HEATR4: variants seen among roughly 807,000 people sequenced by gnomAD.
HEATR4 encodes the protein HEAT repeat containing 4.
A neutral mutation model predicts 108.8 loss-of-function variants in HEATR4; 95 were observed. The observed-to-expected ratio is 0.87, with a 90% CI of 0.74 to 1.04. HEATR4 has a LOEUF of 1.04. HEATR4 is among the 50% of genes least tolerant of loss of function. The probability of loss-of-function intolerance (pLI) is 0.00; values close to 1 mark genes in which losing one functional copy is unlikely to be tolerated. For synonymous variants in HEATR4, 443 were observed against 459.4 expected (o/e 0.96, Z 0.46); for missense variants, 1,152 against 1,253.8 (o/e 0.92, Z 1.23).
chr14:73,603,391 T>C, the HEATR4 span, among the ~76,000 whole-genome samples: 2 of 152,212 alleles, frequency 1.3e-5, no homozygotes, highest in Non-Finnish European at 2.9e-5. Flanking sequence ...AGTCTTGCTC[T>C]GTCGCCAGGC....
intron 1 of HEATR4, among the ~76,000 whole-genome samples, chr14:73,552,544 C>T (rs1410445838): frequency 2.2e-5 from 2 of 90,406 alleles, no homozygotes; most frequent in Non-Finnish European, 4.3e-5. Context: ...CTACAGCATC[C>T]CCTCCCTAAT....
At chr14:73,490,203 G>A (rs1317610270) in intron 17 of HEATR4, among the ~76,000 whole-genome samples, 1 of 152,190 alleles carries the variant, frequency 6.6e-6, no homozygotes, top group Non-Finnish European at 1.5e-5. Flanking sequence ...TCGGCTCACT[G>A]CAACCTCCAC....
the HEATR4 span, among the ~76,000 whole-genome samples, chr14:73,616,396 C>A: frequency 6.6e-6 from 1 of 151,512 alleles, no homozygotes. Context: ...TAATTTATAT[C>A]ATTAAAAAGT....
intron 6 of HEATR4, among the ~76,000 whole-genome samples, chr14:73,512,576 C>G (rs145693822): frequency 5.8e-4 from 89 of 152,216 alleles, no homozygotes; most frequent in African/African-American, 2.0e-3. Flanking sequence ...ATACTAGAAC[C>G]CACATATTGA....
At position 73,506,503 on chromosome 14, in the gene HEATR4, G is replaced by A. The variant is rs755072557; in HGVS notation, c.1950C>T (p.Cys650=). The A allele has an allele frequency of 6.2e-7, 1 of 1,613,698 alleles. No homozygotes were observed. Among genetic ancestry groups the A allele is most frequent in the Non-Finnish European group, 8.5e-7 (1 of 1,179,950 alleles). ...SCQWKNRIVA[C]QAFSRISGNV... The stretch of plus-strand genomic sequence containing the variant: ...TTCCACTGATCCGGGAGAAAGCCTG[G>A]CAGGCCACAATCCGGTTCTTCCATT... The change falls in exon 10 of 18, where the codon TGC becomes TGT. Residue 650 remains cysteine, a synonymous_variant. Coordinates refer to ENST00000553558, the MANE Select transcript of HEATR4 (RefSeq NM_001220484.1).
the HEATR4 span, chr14:73,592,024 C>T: frequency 6.2e-6 from 9 of 1,444,244 alleles, no homozygotes; most frequent in South Asian, 1.4e-5. Context: ...GTGCGCATTG[C>T]CGTGCGCGGC....
chr14:73,578,052 T>C, the HEATR4 span, among the ~76,000 whole-genome samples: 1 of 150,498 alleles, frequency 6.6e-6, no homozygotes, highest in African/African-American at 2.4e-5. Context: ...AGTTTTGCCA[T>C]GTTGGTCAGA....
chr14:73,545,074 T>C (rs1889211925), intron 1 of HEATR4, among the ~76,000 whole-genome samples: 2 of 111,802 alleles, frequency 1.8e-5, no homozygotes, highest in Non-Finnish European at 1.9e-5. Context: ...TTTTTTTTTT[T>C]TGGAGGCAGG....
At chr14:73,594,426 T>C in the HEATR4 span, among the ~76,000 whole-genome samples, 1 of 86,750 alleles carries the variant, frequency 1.2e-5, no homozygotes, top group African/African-American at 5.1e-5. Context: ...CTGAACTTGA[T>C]GGGATCTGTG....
At chr14:73,608,386 G>A in the HEATR4 span, among the ~76,000 whole-genome samples, 2 of 152,166 alleles carry the variant, frequency 1.3e-5, no homozygotes, top group East Asian at 3.8e-4. Context: ...GGGGCAAAAT[G>A]CCACCAGCCT....
rs201436341 is a variant in HEATR4 at position 73,522,490 on chromosome 14, C to T, written c.663G>A (p.Lys221=). ...GGGATGCCCCAGGCCTTCGAGGACGCTTGCTCTGGATCCATCGGGCTGTGC... is the reference window on the plus strand; with the variant it reads ...GGGATGCCCCAGGCCTTCGAGGACGTTTGCTCTGGATCCATCGGGCTGTGC... ...NERTARWIQS[K]RPRRPGASPN... Residue 221 remains lysine (K), a synonymous_variant, in exon 3 of 18, where the codon AAG becomes AAA. Transcript: ENST00000553558. 8.1e-6 allele frequency: 13 copies of T among 1,614,116 alleles called. No homozygotes were observed. The highest frequency in any genetic ancestry group is 1.1e-5 in the Non-Finnish European group (13 of 1,180,044).
upstream of HEATR4, among the ~76,000 whole-genome samples, chr14:73,559,469 G>A (rs909777311): frequency 1.3e-5 from 2 of 151,836 alleles, no homozygotes; most frequent in Non-Finnish European, 1.5e-5. Flanking sequence ...GATGGCTCAC[G>A]CCTGCAATTT....
the HEATR4 span, among the ~76,000 whole-genome samples, chr14:73,614,384 C>A: frequency 1.3e-5 from 2 of 152,124 alleles, no homozygotes; most frequent in African/African-American, 4.8e-5. Context: ...TTGGGTCTTA[C>A]AGATTTCTAA....
rs1382965614 is a variant in HEATR4 at position 73,532,771 on chromosome 14, A to G, written c.-151-2527T>C. Among the ~76,000 whole-genome samples the G allele has an allele frequency of 1.1e-3, 122 of 113,734 alleles. 25 individuals carry two copies. The highest frequency in any genetic ancestry group is 2.7e-3 in the African/African-American group (95 of 35,020). 74.6% of individuals were successfully genotyped at this position (113,734 alleles called of 152,430 possible). On this transcript the variant is annotated intron_variant, in intron 1 of 17. Transcript: ENST00000553558. Reference sequence around the variant, plus strand: ...AGATTGAAACCATCCTAGCTAACACAGTAAAACCCCATCTCTACTAAAACA... The same window carrying G: ...AGATTGAAACCATCCTAGCTAACACGGTAAAACCCCATCTCTACTAAAACA...
the HEATR4 span, among the ~76,000 whole-genome samples, chr14:73,597,039 TATCACAGTAAAACTGTTTATGGTA>T: frequency 6.6e-6 from 1 of 152,062 alleles, no homozygotes; most frequent in African/African-American, 2.4e-5. Flanking sequence ...AAACTACGCT[TATCACAGTAAAACTGTTTATGGTA>T]ATTTTATTTT....
intron 1 of HEATR4, among the ~76,000 whole-genome samples, chr14:73,540,363 A>G (rs1199141903): frequency 3.0e-5 from 4 of 135,514 alleles, no homozygotes; most frequent in South Asian, 2.4e-4. Context: ...AAATTGAGGT[A>G]TATTTCCAGC....
intron 15 of HEATR4, among the ~76,000 whole-genome samples, chr14:73,495,631 G>A (rs1214802035): frequency 6.6e-6 from 1 of 151,982 alleles, no homozygotes; most frequent in Non-Finnish European, 1.5e-5. Context: ...GTAGTAGGTG[G>A]TACATAAGTG....
the HEATR4 span, chr14:73,569,272 A>C: frequency 6.2e-7 from 1 of 1,613,678 alleles, no homozygotes; most frequent in African/African-American, 1.3e-5. Context: ...CCCCACCCCC[A>C]TTCAGTTGTT....
chr14:73,553,070 C>T (rs1018630360), intron 1 of HEATR4, among the ~76,000 whole-genome samples: 3 of 115,882 alleles, frequency 2.6e-5, no homozygotes, highest in Non-Finnish European at 5.7e-5. Context: ...CCCAGCAGGA[C>T]AGGCCTAGGT....
Sources: allele counts gnomAD v4.1 joint callset (sites outside exome capture counted in the v4.1 genomes callset), GRCh38; gene constraint gnomAD v4.1.1; transcripts MANE v1.5; gene names NCBI Gene and HGNC (gene_info 2026-07-23, HGNC 2026-07-21).